Variants in OLR1 observed in about 807,000 individuals in gnomAD.
OLR1 encodes the protein oxidized low-density lipoprotein receptor 1.
A neutral mutation model predicts 31.7 loss-of-function variants in OLR1; 23 were observed. That is an observed-to-expected ratio of 0.72 (90% CI 0.52 to 1.03). The LOEUF (loss-of-function observed/expected upper bound fraction) is 1.03. Among genes scored for constraint, OLR1 ranks in the 50% least tolerant of loss-of-function variants. OLR1 has a pLI of 0.00. For missense variants in OLR1, 286 were observed against 315.7 expected, an observed-to-expected ratio of 0.91 and a Z score of 0.71; for synonymous variants, 117 against 115.8, an observed-to-expected ratio of 1.01 and a Z score of -0.07.
In OLR1 at chr12:10,169,082, C is replaced by A. The variant is rs755299237; in HGVS notation, c.170G>T (p.Gly57Val). 9.3e-6 allele frequency: 15 copies of A among 1,609,708 alleles called. No homozygotes were observed. Among genetic ancestry groups the A allele is most frequent in the Non-Finnish European group, 8.5e-7 (1 of 1,178,158 alleles). The part of the protein sequence containing the change: ...LGLVVTIMVL[G>V]MQLSQVSDLL... ...CGTATTTTAGCACTTACATTGCATG[C>A]CCAGCACCATAATGGTCACTACTAA... Residue 57 changes from glycine (G) to valine (V), a missense_variant, in exon 2 of 6, where the codon GGC (glycine) becomes GTC (valine). By Grantham distance (109) the Gly-to-Val change is moderately radical. Transcript: ENST00000309539.
At chr12:10,165,518 C>T (rs1162719629) in intron 3 of OLR1, among the ~76,000 whole-genome samples, 1 of 151,668 alleles carries the variant, frequency 6.6e-6, no homozygotes, top group Non-Finnish European at 1.5e-5. Flanking sequence ...TAGGGGTAGA[C>T]AGTTGCAAGG....
chr12:10,163,991 G>A (rs536801052), intron 3 of OLR1, among the ~76,000 whole-genome samples: 4 of 151,816 alleles, frequency 2.6e-5, no homozygotes, highest in Non-Finnish European at 5.9e-5. Context: ...CTACTAATTA[G>A]CCTTTATCTG....
At chr12:10,169,704 T>A (rs1195610518) in intron 1 of OLR1, among the ~76,000 whole-genome samples, 1 of 152,228 alleles carries the variant, frequency 6.6e-6, no homozygotes, top group Non-Finnish European at 1.5e-5. Context: ...AATTTTATGC[T>A]ATTCAATTAT....
chr12:10,170,270 G>C (rs1278685321), intron 1 of OLR1: 1 of 152,168 alleles, frequency 6.6e-6, no homozygotes, highest in Non-Finnish European at 1.5e-5. Context: ...AAAGAAGATA[G>C]AAACTTGACA....
intron 2 of OLR1, 77 bp downstream of exon 2, chr12:10,168,997 C>A: frequency 1.0e-6 from 1 of 1,004,922 alleles, no homozygotes; most frequent in Non-Finnish European, 1.4e-6. Flanking sequence ...ATGAAAGAAA[C>A]TTATAAACCA....
At chr12:10,174,311 C>T (rs368338596), upstream of OLR1, among the ~76,000 whole-genome samples, 30 of 152,298 alleles carry the variant, frequency 2.0e-4, no homozygotes, top group African/African-American at 6.3e-4. Flanking sequence ...GATCCGCCTG[C>T]CTCAGCCTCC....
chr12:10,170,619 G>C (rs1717695309), intron 1 of OLR1: 1 of 151,364 alleles, frequency 6.6e-6, no homozygotes, highest in African/African-American at 2.4e-5. Context: ...AGCCTCCTGA[G>C]CAGCTGGGAT....
intron 3 of OLR1, among the ~76,000 whole-genome samples, chr12:10,164,169 G>C (rs1948642539): frequency 6.6e-6 from 1 of 152,128 alleles, no homozygotes; most frequent in Non-Finnish European, 1.5e-5. Context: ...TTCTCTTCTG[G>C]CCTTGCCTGT....
intron 2 of OLR1, 195 bp from the exon 3 acceptor site, chr12:10,167,152 A>G: frequency 1.8e-6 from 1 of 551,776 alleles, no homozygotes; most frequent in Non-Finnish European, 3.1e-6. Flanking sequence ...AATGTCAGGA[A>G]CATTGCAAAC....
At chr12:10,161,924 G>GATATATATATATATATATAT (rs34054558) in intron 3 of OLR1, among the ~76,000 whole-genome samples, 5 of 67,936 alleles carry the variant, frequency 7.4e-5, no homozygotes, top group Non-Finnish European at 1.6e-4. Flanking sequence ...AAATTTTAAT[G>GATATATATATATATATATAT]ATATATATAT....
At chr12:10,160,303 T>C in intron 5 of OLR1, 44 bp downstream of exon 5, 1 of 1,469,384 alleles carries the variant, frequency 6.8e-7, no homozygotes, top group Non-Finnish European at 9.4e-7. Flanking sequence ...CAGCAAAGAA[T>C]AGGAAACTGA....
intron 1 of OLR1, chr12:10,170,190 C>T (rs2137523571): frequency 6.6e-6 from 1 of 152,300 alleles, no homozygotes; most frequent in Admixed American, 6.5e-5. Flanking sequence ...ATGATCCAGT[C>T]AAGCAGTGGT....
At chr12:10,165,843 C>T (rs1410353706) in intron 3 of OLR1, among the ~76,000 whole-genome samples, 4 of 152,052 alleles carry the variant, frequency 2.6e-5, no homozygotes, top group African/African-American at 9.7e-5. Flanking sequence ...AAACTTAAAT[C>T]CACCAAAAGG....
chr12:10,171,524 G>A (rs1352821001), intron 1 of OLR1, among the ~76,000 whole-genome samples: 1 of 152,228 alleles, frequency 6.6e-6, no homozygotes, highest in Admixed American at 6.5e-5. Flanking sequence ...TGTAGTGCCT[G>A]AAGGACTCTT....
At chr12:10,173,313 A>G (rs1478000075), upstream of OLR1, among the ~76,000 whole-genome samples, 2 of 152,200 alleles carry the variant, frequency 1.3e-5, no homozygotes, top group Non-Finnish European at 2.9e-5. Flanking sequence ...AGGAAAAAAA[A>G]GTGCAAAGAA....
chr12:10,173,153 A>C (rs186943662), upstream of OLR1, among the ~76,000 whole-genome samples: 159 of 152,302 alleles, frequency 1.0e-3, 2 homozygotes, highest in African/African-American at 3.3e-3. Flanking sequence ...AGAGACCCAT[A>C]AGTATGTCTA....
upstream of OLR1, chr12:10,175,542 T>C (rs149507491): frequency 6.6e-6 from 1 of 152,362 alleles, no homozygotes; most frequent in Non-Finnish European, 1.5e-5. Context: ...TGGTGATGTG[T>C]TACACAGCAT....
chr12:10,160,793 G>T lies in OLR1; in HGVS notation c.557C>A (p.Ala186Asp), dbSNP rs773684434. 12 of 1,614,064 alleles carry T rather than the reference G, an allele frequency of 7.4e-6. No individual in the cohort carries two copies. The highest frequency in any genetic ancestry group is 1.0e-5 in the Non-Finnish European group (12 of 1,179,964). Residue 186 changes from alanine (A) to aspartate (D), a missense_variant, in exon 4 of 6, where the codon GCT (alanine) becomes GAT (aspartate). Coordinates refer to ENST00000309539, the MANE Select transcript of OLR1 (RefSeq NM_002543.4). ...ATATCCATGAACACTCACCAGATCA[G>T]CTGTGCTATTAATTTTCAGCAACTT... is the stretch of plus-strand genomic sequence containing the variant. ...DAKLLKINSTADLDFIQQAIS... is the reference protein window; with the variant it reads ...DAKLLKINSTDDLDFIQQAIS...
chr12:10,172,688 C>T (rs1948733454), upstream of OLR1, among the ~76,000 whole-genome samples: 1 of 152,136 alleles, frequency 6.6e-6, no homozygotes, highest in South Asian at 2.1e-4. Flanking sequence ...GCCAGTGTAA[C>T]GTAGCAGCAG....
Sources: allele counts gnomAD v4.1 joint callset (sites outside exome capture counted in the v4.1 genomes callset), GRCh38; gene constraint gnomAD v4.1.1; transcripts MANE v1.5; gene names NCBI Gene and HGNC (gene_info 2026-07-23, HGNC 2026-07-21).